The following RBFOX1 variants were observed in gnomAD, a reference collection of about 807,000 sequenced individuals.
RBFOX1 encodes the protein RNA binding fox-1 homolog 1.
In RBFOX1, 8 loss-of-function variants were observed where a neutral mutation model predicts 57.7. The observed-to-expected ratio is 0.14, with a 90% confidence interval of 0.08 to 0.25. The LOEUF (loss-of-function observed/expected upper bound fraction) is 0.25. RBFOX1 is among the 10% of genes least tolerant of loss of function. The probability of loss-of-function intolerance (pLI) is 1.00; values close to 1 mark genes in which losing one functional copy is unlikely to be tolerated. For synonymous variants in RBFOX1, 326 were observed against 222.4 expected (o/e 1.47, Z -4.15); for missense variants, 611 against 548.5 (o/e 1.11, Z -1.14).
At chr16:5,778,220 A>T (rs560165189) in intron 3 of RBFOX1, among the ~76,000 whole-genome samples, 1 of 152,196 alleles carries the variant, frequency 6.6e-6, no homozygotes, top group African/African-American at 2.4e-5. Flanking sequence ...ACGGTGCCAG[A>T]ATCATCCATG....
intron 4 of RBFOX1, among the ~76,000 whole-genome samples, chr16:7,265,960 T>G (rs201458943): frequency 1.0e-5 from 1 of 97,664 alleles, no homozygotes; most frequent in Non-Finnish European, 1.9e-5. Context: ...TCTGGTGGGT[T>G]TTTGTTTTTT....
Position 5,805,369 on chromosome 16 carries a change from A to C in RBFOX1, c.319-61934A>C, listed in dbSNP as rs114507191. Reference sequence around the variant, plus strand: ...CCATAAGTTCAAAATTCTATTAACTAGTTTAGAGCCTTGGGCTATTTATGC... The same window carrying C: ...CCATAAGTTCAAAATTCTATTAACTCGTTTAGAGCCTTGGGCTATTTATGC... On this transcript the variant is annotated intron_variant, in intron 3 of 19. Transcript: ENST00000641259. 6.8e-4 allele frequency among the ~76,000 whole-genome samples: 103 copies of C among 152,342 alleles called. 1 individual carries two copies. Among genetic ancestry groups the C allele is most frequent in the African/African-American group, 2.2e-3 (93 of 41,564 alleles).
chr16:6,466,908 C>G (rs959699447), intron 2 of RBFOX1, among the ~76,000 whole-genome samples: 1 of 151,958 alleles, frequency 6.6e-6, no homozygotes, highest in Non-Finnish European at 1.5e-5. Flanking sequence ...CTCTCTGTGT[C>G]AATCTTAATA....
At chr16:5,824,327 C>T (rs80067557) in intron 3 of RBFOX1, among the ~76,000 whole-genome samples, 2 of 152,222 alleles carry the variant, frequency 1.3e-5, no homozygotes, top group African/African-American at 4.8e-5. Context: ...TTTTTGGTCA[C>T]CCAAGTGTGT....
chr16:5,642,877 G>A (rs2048927814), intron 3 of RBFOX1, among the ~76,000 whole-genome samples: 1 of 152,110 alleles, frequency 6.6e-6, no homozygotes, highest in African/African-American at 2.4e-5. Flanking sequence ...TAGAGTGAGG[G>A]GGTCTGTATT....
At chr16:6,714,484 C>T (rs1278259779) in intron 3 of RBFOX1, among the ~76,000 whole-genome samples, 1 of 152,140 alleles carries the variant, frequency 6.6e-6, no homozygotes, top group East Asian at 1.9e-4. Context: ...AACGTACACA[C>T]ATAGCTTAGT....
intron 14 of RBFOX1, among the ~76,000 whole-genome samples, chr16:7,691,910 T>TAACC (rs1421746031): frequency 2.0e-5 from 3 of 152,134 alleles, no homozygotes; most frequent in East Asian, 1.9e-4. Context: ...CTTAGGAGCA[T>TAACC]TCTGTAAATA....
intron 1 of RBFOX1, among the ~76,000 whole-genome samples, chr16:6,117,688 C>T (rs2096511546): frequency 6.6e-6 from 1 of 152,240 alleles, no homozygotes; most frequent in South Asian, 2.1e-4. Flanking sequence ...TCCCAGCCTC[C>T]AGAACTGTGA....
chr16:7,218,892 GTTAGCA>G (rs1399036523), intron 4 of RBFOX1, among the ~76,000 whole-genome samples: 1 of 152,106 alleles, frequency 6.6e-6, no homozygotes, highest in Non-Finnish European at 1.5e-5. Flanking sequence ...ATCGCATGCA[GTTAGCA>G]TGTTCAGCAC....
intron 4 of RBFOX1, among the ~76,000 whole-genome samples, chr16:7,514,119 C>T (rs2075821371): frequency 6.6e-6 from 1 of 152,128 alleles, no homozygotes. Context: ...CACAAAGGAC[C>T]AGATGATAGA....
chr16:6,121,566 G>T (rs529060547), intron 1 of RBFOX1, among the ~76,000 whole-genome samples: 1 of 152,262 alleles, frequency 6.6e-6, no homozygotes, highest in South Asian at 2.1e-4. Context: ...CACTCCATTT[G>T]CTTGTACACT....
intron 3 of RBFOX1, among the ~76,000 whole-genome samples, chr16:6,904,599 TAAAAAAAAAA>T (rs71147623): frequency 2.7e-3 from 174 of 64,040 alleles, no homozygotes; most frequent in Non-Finnish European, 4.0e-3. Context: ...AGACTCTCTC[TAAAAAAAAAA>T]AAAAAAAAAA....
chr16:5,783,022 C>T (rs75665218), intron 3 of RBFOX1, among the ~76,000 whole-genome samples: 5 of 152,164 alleles, frequency 3.3e-5, no homozygotes, highest in Admixed American at 2.0e-4. Context: ...TGCATCCCCC[C>T]AAACACCCTC....
At chr16:5,539,624 C>G (rs757903874) in intron 2 of RBFOX1, among the ~76,000 whole-genome samples, 2 of 151,912 alleles carry the variant, frequency 1.3e-5, no homozygotes, top group Non-Finnish European at 2.9e-5. Flanking sequence ...AAAAACAAAA[C>G]AAAATGACAA....
At chr16:6,609,157 T>C (rs1037697970) in intron 2 of RBFOX1, among the ~76,000 whole-genome samples, 5 of 152,134 alleles carry the variant, frequency 3.3e-5, no homozygotes, top group African/African-American at 2.4e-5. Context: ...TATGATACAT[T>C]CGCAGGCTCC....
chr16:6,361,520 C>A (rs780702857), intron 2 of RBFOX1, among the ~76,000 whole-genome samples: 15 of 151,534 alleles, frequency 9.9e-5, no homozygotes, highest in Non-Finnish European at 1.5e-4. Context: ...TGCAGCTTCT[C>A]GGGAGGCTGA....
chr16:6,127,797 T>A (rs1443975875), intron 1 of RBFOX1, among the ~76,000 whole-genome samples: 1 of 152,226 alleles, frequency 6.6e-6, no homozygotes, highest in Admixed American at 6.5e-5. Flanking sequence ...CTTGCTACTT[T>A]TGTAACAGCT....
chr16:6,653,633 A>G (rs1012496315), intron 2 of RBFOX1, among the ~76,000 whole-genome samples: 3 of 151,912 alleles, frequency 2.0e-5, no homozygotes, highest in African/African-American at 7.3e-5. Context: ...GGGTGGATGG[A>G]TGGATGAATG....
At chr16:5,752,824 T>C (rs2053259024) in intron 3 of RBFOX1, among the ~76,000 whole-genome samples, 1 of 152,080 alleles carries the variant, frequency 6.6e-6, no homozygotes, top group Non-Finnish European at 1.5e-5. Flanking sequence ...ATGTTGAGTT[T>C]CAAACTAGAT....
Sources: gnomAD v4.1 joint callset for allele counts (sites outside exome capture counted in the v4.1 genomes callset) on GRCh38, gnomAD v4.1.1 for gene constraint, MANE v1.5 for transcripts, NCBI Gene and HGNC (gene_info 2026-07-23, HGNC 2026-07-21) for gene names.